Variants in NEGR1 observed in about 807,000 individuals in gnomAD.
NEGR1 encodes IgLON family member 4.
NEGR1 carries 10 observed loss-of-function variants against 40.9 expected under a neutral mutation model. The ratio of observed to expected loss-of-function variants is 0.24; its 90% CI spans 0.15 to 0.42. The LOEUF (loss-of-function observed/expected upper bound fraction) is 0.42. NEGR1 is among the 10% of genes least tolerant of loss of function. The pLI, the probability that NEGR1 is intolerant of heterozygous loss-of-function variation, is 1.00. For synonymous variants in NEGR1, 185 were observed against 166.8 expected, an observed-to-expected ratio of 1.11 and a Z score of -0.84; for missense variants, 352 against 438.9, an observed-to-expected ratio of 0.80 and a Z score of 1.77.
At chr1:71,727,130 C>T (rs893540402) in intron 3 of NEGR1, among the ~76,000 whole-genome samples, 1 of 152,020 alleles carries the variant, frequency 6.6e-6, no homozygotes, top group Admixed American at 6.6e-5. Flanking sequence ...TGAGATGAGG[C>T]TAGATTTTAT....
intron 1 of NEGR1, among the ~76,000 whole-genome samples, chr1:72,079,110 T>TATATATATATATATATATAA (rs1491542854): frequency 7.0e-6 from 1 of 143,326 alleles, no homozygotes; most frequent in Non-Finnish European, 1.5e-5. Context: ...TATATATATA[T>TATATATATATATATATATAA]AATATTATAT....
chr1:71,482,241 T>C (rs1248930672), intron 6 of NEGR1, among the ~76,000 whole-genome samples: 2 of 151,866 alleles, frequency 1.3e-5, no homozygotes, highest in East Asian at 3.9e-4. Flanking sequence ...CAGAACTATA[T>C]TAATATTAAA....
At chr1:71,840,372 C>G (rs1659194993) in intron 2 of NEGR1, among the ~76,000 whole-genome samples, 1 of 151,826 alleles carries the variant, frequency 6.6e-6, no homozygotes, top group Admixed American at 6.6e-5. Context: ...TTTATTTCAT[C>G]TCTAGAATTG....
At chr1:72,025,001 T>C (rs1557489075) in intron 1 of NEGR1, among the ~76,000 whole-genome samples, 1 of 152,224 alleles carries the variant, frequency 6.6e-6, no homozygotes, top group Non-Finnish European at 1.5e-5. Flanking sequence ...TACCTATTCA[T>C]AGACCTCCTG....
chr1:71,703,257 T>A, intron 3 of NEGR1: 1 of 152,122 alleles, frequency 6.6e-6, no homozygotes, highest in Non-Finnish European at 1.5e-5. Flanking sequence ...AAGACTCTTT[T>A]TGGCCTATCC....
intron 6 of NEGR1, among the ~76,000 whole-genome samples, chr1:71,557,770 GT>G (rs1469875374): frequency 6.6e-6 from 1 of 151,550 alleles, no homozygotes; most frequent in Non-Finnish European, 1.5e-5. Flanking sequence ...TAGGCACAAT[GT>G]CATTAACCAA....
intron 1 of NEGR1, among the ~76,000 whole-genome samples, chr1:72,130,254 G>A (rs1650193377): frequency 6.6e-6 from 1 of 152,122 alleles, no homozygotes. Flanking sequence ...CCAACCCAGG[G>A]CCTTGAACAT....
intron 6 of NEGR1, among the ~76,000 whole-genome samples, chr1:71,542,394 T>A (rs1403388187): frequency 2.0e-5 from 3 of 151,782 alleles, no homozygotes; most frequent in African/African-American, 7.2e-5. Context: ...CAGCACATTC[T>A]GTACTAGGCA....
rs1416711312 is a variant in NEGR1, at chr1:71,403,841, T to C, written c.*3605A>G. On this transcript the variant is annotated 3_prime_UTR_variant, in exon 7 of 7. Transcript: ENST00000357731. The stretch of plus-strand genomic sequence containing the variant: ...TTTACTAAAAGACAGGAAGAGCTTT[T>C]TCCAGTCTTTAAAGTAAATACATAT... The C allele has an allele frequency of 2.6e-6, 1 of 382,212 alleles. No individual in the cohort carries two copies. Among genetic ancestry groups the C allele is most frequent in the Non-Finnish European group, 4.7e-6 (1 of 214,226 alleles). The allele number at this position is 382,212 out of a possible 1,614,324, so 23.7% of individuals were successfully genotyped here.
intron 4 of NEGR1, among the ~76,000 whole-genome samples, chr1:71,615,383 T>C (rs966395330): frequency 5.9e-5 from 9 of 152,254 alleles, no homozygotes; most frequent in Non-Finnish European, 1.2e-4. Flanking sequence ...AAGAGCAAGA[T>C]ATGTTATTTA....
chr1:71,836,089 CT>C (rs1187023392), intron 2 of NEGR1, among the ~76,000 whole-genome samples: 1 of 152,044 alleles, frequency 6.6e-6, no homozygotes, highest in Non-Finnish European at 1.5e-5. Flanking sequence ...CCTCTACCCC[CT>C]AATCTCTGAC....
At chr1:71,578,035 G>A (rs1455150916) in intron 6 of NEGR1, among the ~76,000 whole-genome samples, 1 of 152,004 alleles carries the variant, frequency 6.6e-6, no homozygotes, top group Admixed American at 6.6e-5. Flanking sequence ...TAGATACTAA[G>A]TCTGATCTTA....
At chr1:71,917,261 AT>A (rs1364214677) in intron 2 of NEGR1, among the ~76,000 whole-genome samples, 2 of 152,086 alleles carry the variant, frequency 1.3e-5, no homozygotes, top group African/African-American at 4.8e-5. Flanking sequence ...AATAACCCTT[AT>A]TTTTTCAGAA....
intron 3 of NEGR1, among the ~76,000 whole-genome samples, chr1:71,708,008 C>G (rs982929212): frequency 3.9e-4 from 59 of 152,086 alleles, no homozygotes; most frequent in African/African-American, 1.4e-3. Flanking sequence ...TTCAAATAAC[C>G]AGAAAGCCTT....
Position 71,401,624 on chromosome 1 carries a change from TCAAACAACATCACTCA to T in NEGR1, c.*5806_*5821del, listed in dbSNP as rs1646247212. ...TGTTAGTATTTCAATATAAATGGCC[TCAAACAACATCACTCA>T]GATTAAAATCAGTATTGTGAATTTT... On this transcript the variant is annotated 3_prime_UTR_variant, in exon 7 of 7. Coordinates refer to ENST00000357731, the MANE Select transcript of NEGR1 (RefSeq NM_173808.3). 1.3e-5 allele frequency: 2 copies of T among 152,206 alleles called. No individual in the cohort carries two copies. Among genetic ancestry groups the T allele is most frequent in the African/African-American group, 4.8e-5 (2 of 41,468 alleles). The allele number at this position is 152,206 out of a possible 1,614,324, so 9.4% of individuals were successfully genotyped here. A position where few individuals can be genotyped will look rare whatever the true frequency, so the allele number is the denominator to read the frequency against.
intron 1 of NEGR1, among the ~76,000 whole-genome samples, chr1:72,021,258 T>A (rs1231698361): frequency 6.6e-6 from 1 of 152,082 alleles, no homozygotes; most frequent in Non-Finnish European, 1.5e-5. Flanking sequence ...TACTACCCTA[T>A]CAAAGTTTGA....
chr1:71,839,284 ACCT>A (rs1291693869), intron 2 of NEGR1, among the ~76,000 whole-genome samples: 4 of 142,968 alleles, frequency 2.8e-5, no homozygotes, highest in Admixed American at 1.5e-4. Context: ...GCTCACTGCA[ACCT>A]CCTCCTCCTG....
chr1:71,989,229 A>G (rs1646429614), intron 1 of NEGR1, among the ~76,000 whole-genome samples: 1 of 152,190 alleles, frequency 6.6e-6, no homozygotes, highest in Non-Finnish European at 1.5e-5. Flanking sequence ...CAGAGGTGAT[A>G]TGACTCCCAA....
chr1:72,126,608 C>A (rs762449166), intron 1 of NEGR1, among the ~76,000 whole-genome samples: 2 of 152,106 alleles, frequency 1.3e-5, no homozygotes, highest in Non-Finnish European at 2.9e-5. Context: ...TGAGCCATTT[C>A]CTCCATAAAA....
Sources: allele counts gnomAD v4.1 joint callset (sites outside exome capture counted in the v4.1 genomes callset), GRCh38; gene constraint gnomAD v4.1.1; transcripts MANE v1.5; gene names NCBI Gene and HGNC (gene_info 2026-07-23, HGNC 2026-07-21).